FAT3: variants seen among roughly 807,000 people sequenced by gnomAD.
FAT3 encodes protocadherin Fat 3.
Under a neutral mutation model 310.2 loss-of-function variants are expected in FAT3, and 95 were observed. The ratio of observed to expected loss-of-function variants is 0.31; its 90% CI spans 0.26 to 0.36. FAT3 has a LOEUF of 0.36. FAT3 is among the 10% of genes least tolerant of loss of function. FAT3 has a pLI of 1.00. For synonymous variants in FAT3, 2,314 were observed against 2,192.9 expected (o/e 1.06, Z -1.54); for missense variants, 5,408 against 5,715.6 (o/e 0.95, Z 1.74).
intron 3 of FAT3, among the ~76,000 whole-genome samples, chr11:92,660,600 G>A (rs1344752091): frequency 6.6e-6 from 1 of 152,174 alleles, no homozygotes; most frequent in Non-Finnish European, 1.5e-5. Context: ...GGTGTTCCAT[G>A]GTCAAGACTT....
intron 1 of FAT3, among the ~76,000 whole-genome samples, chr11:92,238,436 G>T (rs1403223147): frequency 6.6e-6 from 1 of 152,108 alleles, no homozygotes; most frequent in Non-Finnish European, 1.5e-5. Context: ...GGGGCAATCT[G>T]GTTGGAAGAG....
At chr11:92,330,495 A>G (rs1591118230) in intron 1 of FAT3, among the ~76,000 whole-genome samples, 1 of 152,340 alleles carries the variant, frequency 6.6e-6, no homozygotes, top group Middle Eastern at 3.4e-3. Flanking sequence ...GCTTTCAGGA[A>G]CATGATTTTA....
chr11:92,453,989 G>A (rs146936470), intron 2 of FAT3, among the ~76,000 whole-genome samples: 84 of 151,916 alleles, frequency 5.5e-4, no homozygotes, highest in African/African-American at 2.0e-3. Flanking sequence ...CACATATGTA[G>A]TTTTATATTT....
At chr11:92,611,738 A>AG (rs1183252131) in intron 3 of FAT3, among the ~76,000 whole-genome samples, 1 of 152,196 alleles carries the variant, frequency 6.6e-6, no homozygotes, top group African/African-American at 2.4e-5. Flanking sequence ...TAGGAATTAT[A>AG]GGGGGAGAGA....
intron 2 of FAT3, among the ~76,000 whole-genome samples, chr11:92,425,154 T>C (rs1950603836): frequency 6.6e-6 from 1 of 152,092 alleles, no homozygotes. Context: ...TAGTAAATAA[T>C]GCTGTAGTGA....
intron 11 of FAT3, among the ~76,000 whole-genome samples, chr11:92,805,703 G>T (rs905452568): frequency 2.0e-5 from 3 of 152,078 alleles, no homozygotes; most frequent in Admixed American, 6.6e-5. Flanking sequence ...ATGTTAACTT[G>T]TTTATATAAG....
At chr11:92,241,595 A>G (rs564530189) in intron 1 of FAT3, among the ~76,000 whole-genome samples, 2 of 152,226 alleles carry the variant, frequency 1.3e-5, no homozygotes, top group East Asian at 3.9e-4. Context: ...ATTTGATTTC[A>G]TCTGATTGAG....
chr11:92,410,287 G>GGT (rs1045374892), intron 2 of FAT3, among the ~76,000 whole-genome samples: 244 of 151,432 alleles, frequency 1.6e-3, no homozygotes, highest in African/African-American at 5.3e-3. Flanking sequence ...TTTTTTTATA[G>GGT]GTGTGTGTGT....
intron 2 of FAT3, among the ~76,000 whole-genome samples, chr11:92,427,353 C>T (rs139754231): frequency 0.025 from 3,740 of 152,084 alleles, 62 homozygotes; most frequent in Non-Finnish European, 0.032. Flanking sequence ...ATTTAAATAC[C>T]CTTTATTTCT....
At chr11:92,603,322 T>C (rs1436615476) in intron 3 of FAT3, among the ~76,000 whole-genome samples, 1 of 152,210 alleles carries the variant, frequency 6.6e-6, no homozygotes, top group East Asian at 1.9e-4. Flanking sequence ...AACTAGATTG[T>C]ATATGAATAA....
chr11:92,653,630 A>G lies in FAT3; in HGVS notation c.3608-43754A>G, dbSNP rs115703335. On this transcript the variant is annotated intron_variant, in intron 3 of 27. Coordinates refer to ENST00000525166, the MANE Select transcript of FAT3 (RefSeq NM_001367949.2). ...GTTGCTCTAGCAGTATTAAGAGACA[A>G]TGGGGTTTGTTTCACAATAGAGCTT... 5.4e-3 allele frequency among the ~76,000 whole-genome samples: 827 copies of G among 152,268 alleles called. 10 individuals carry two copies. Among genetic ancestry groups the G allele is most frequent in the African/African-American group, 0.018 (757 of 41,554 alleles).
chr11:92,881,193 T>C (rs573084325), intron 23 of FAT3, among the ~76,000 whole-genome samples: 3 of 152,306 alleles, frequency 2.0e-5, no homozygotes, highest in East Asian at 3.9e-4. Context: ...AATATTTCTA[T>C]TATAATTCGG....
chr11:92,799,579 C>G lies in FAT3; in HGVS notation c.6566C>G (p.Pro2189Arg), dbSNP rs1461131148. The change falls in exon 10 of 28, where the codon CCC becomes CGC. Residue 2189 changes from proline to arginine, a missense_variant. Physicochemically the swap from Pro to Arg is moderately radical, Grantham distance 103 (BLOSUM62 -2). This residue lies in a region of FAT3 where 4,588 missense variants were observed against 4,809.8 expected (regional missense o/e 0.95). Coordinates refer to ENST00000525166, the MANE Select transcript of FAT3 (RefSeq NM_001367949.2). The part of the protein sequence containing the change: ...VNKAMPVFDK[P>R]FYTASVNEDI... The stretch of plus-strand genomic sequence containing the variant: ...AAAGCAATGCCTGTGTTTGATAAGC[C>G]CTTTTATACAGCATCTGTCAATGAA... 2 of 1,613,744 alleles carry G rather than the reference C, an allele frequency of 1.2e-6. No individual in the cohort carries two copies. The highest frequency in any genetic ancestry group is 1.7e-6 in the Non-Finnish European group (2 of 1,179,832).
intron 2 of FAT3, among the ~76,000 whole-genome samples, chr11:92,421,262 C>T (rs766700065): frequency 2.2e-4 from 33 of 152,282 alleles, no homozygotes; most frequent in Middle Eastern, 3.4e-3. Context: ...TTAGTAGTTT[C>T]ATATTGCTGA....
chr11:92,864,155 T>C (rs1399918856), intron 21 of FAT3, among the ~76,000 whole-genome samples: 1 of 152,218 alleles, frequency 6.6e-6, no homozygotes, highest in African/African-American at 2.4e-5. Flanking sequence ...CTGTCATTTC[T>C]CCCTGGTGAA....
At chr11:92,827,988 C>T (rs548763844) in intron 13 of FAT3, among the ~76,000 whole-genome samples, 91 of 152,272 alleles carry the variant, frequency 6.0e-4, no homozygotes, top group African/African-American at 1.9e-3. Context: ...TTAAATTAGG[C>T]TCAAATTGGA....
chr11:92,704,951 G>A (rs879778963), intron 4 of FAT3, among the ~76,000 whole-genome samples: 6 of 152,116 alleles, frequency 3.9e-5, no homozygotes, highest in South Asian at 2.1e-4. Context: ...GAGGGTTCCC[G>A]TGCTTCATGC....
chr11:92,645,299 C>A (rs990594121), intron 3 of FAT3, among the ~76,000 whole-genome samples: 2 of 152,142 alleles, frequency 1.3e-5, no homozygotes, highest in African/African-American at 4.8e-5. Flanking sequence ...CCATCTGGTC[C>A]TTATCAGCTT....
intron 3 of FAT3, among the ~76,000 whole-genome samples, chr11:92,606,087 T>C (rs1023311120): frequency 1.3e-5 from 2 of 152,180 alleles, no homozygotes; most frequent in Non-Finnish European, 1.5e-5. Flanking sequence ...GTGTCAACAA[T>C]TGGTGAGTGA....
Sources: gnomAD v4.1 joint callset for allele counts (sites outside exome capture counted in the v4.1 genomes callset) on GRCh38, gnomAD v4.1.1 for gene constraint, gnomAD v4.1.1 regional missense constraint, MANE v1.5 for transcripts, NCBI Gene and HGNC (gene_info 2026-07-23, HGNC 2026-07-21) for gene names.